Variants in TMEM120B observed in about 807,000 individuals in gnomAD.
TMEM120B encodes transmembrane protein 120B.
Under a neutral mutation model 55.5 loss-of-function variants are expected in TMEM120B, and 31 were observed. The observed-to-expected ratio is 0.56, with a 90% CI of 0.42 to 0.75. The LOEUF is 0.75. TMEM120B is among the 30% of genes least tolerant of loss of function. The probability of loss-of-function intolerance (pLI) is 0.00; values close to 1 mark genes in which losing one functional copy is unlikely to be tolerated. For missense variants in TMEM120B, 399 were observed against 425.5 expected, an observed-to-expected ratio of 0.94 and a Z score of 0.55; for synonymous variants, 203 against 176.3, an observed-to-expected ratio of 1.15 and a Z score of -1.20.
chr12:121,776,769 C>T lies in TMEM120B; in HGVS notation c.*1047C>T, dbSNP rs1566529001. The T allele has an allele frequency of 6.6e-6, 1 of 152,070 alleles. No individual in the cohort carries two copies. The highest frequency in any genetic ancestry group is 1.5e-5 in the Non-Finnish European group (1 of 68,070). The allele number at this position is 152,070 out of a possible 1,614,324, so 9.4% of individuals were successfully genotyped here. A position where few individuals can be genotyped will look rare whatever the true frequency, so the allele number is the denominator to read the frequency against. On this transcript the variant is annotated 3_prime_UTR_variant, in exon 12 of 12. Transcript: ENST00000449592. ...GTGCCCACAGGCATGCCTTGTTTAG[C>T]CCTCCTCAAGGAATTTTAAAATTTT...
intron 1 of TMEM120B, among the ~76,000 whole-genome samples, chr12:121,743,198 A>T (rs535784861): frequency 7.2e-5 from 11 of 152,216 alleles, no homozygotes; most frequent in African/African-American, 2.4e-4. Flanking sequence ...AGTTGACCTA[A>T]CAGGAACTCT....
chr12:121,769,346 G>C (rs373115206), intron 6 of TMEM120B, among the ~76,000 whole-genome samples: 3 of 152,208 alleles, frequency 2.0e-5, no homozygotes, highest in East Asian at 3.9e-4. Flanking sequence ...GATGGTGTGA[G>C]GTGCCGCGTG....
Position 121,737,568 on chromosome 12 carries a change from T to A in TMEM120B, c.70-6061T>A, listed in dbSNP as rs145230660. Among the ~76,000 whole-genome samples the A allele has an allele frequency of 2.8e-3, 428 of 151,634 alleles. 2 individuals carry two copies. The highest frequency in any genetic ancestry group is 0.021 in the South Asian group (100 of 4,806). ...GAGGTTGCGTTGGGACTCAGGTTAG[T>A]TTGGTTGGGGAGGGGCAATGGCCTC... On this transcript the variant is annotated intron_variant, in intron 1 of 11. Coordinates refer to ENST00000449592, the MANE Select transcript of TMEM120B (RefSeq NM_001080825.2).
In TMEM120B at chr12:121,775,885, G is replaced by A. The variant is rs542865763; in HGVS notation, c.*163G>A. ...AGAGGAATGTGAGCCCCGCCTGTCC[G>A]CACAGTGTCCGCCCACCTATTTATG... On this transcript the variant is annotated 3_prime_UTR_variant, in exon 12 of 12. Coordinates refer to ENST00000449592, the MANE Select transcript of TMEM120B (RefSeq NM_001080825.2). The surrounding 1 kb of genome is among the most constrained non-coding windows in gnomAD (Gnocchi z 4.3). 2.0e-4 allele frequency: 145 copies of A among 728,228 alleles called. No homozygotes were observed. Among genetic ancestry groups the A allele is most frequent in the Non-Finnish European group, 3.0e-4 (129 of 424,246 alleles). 45.1% of individuals were successfully genotyped at this position (728,228 alleles called of 1,614,324 possible). A position where few individuals can be genotyped will look rare whatever the true frequency, so the allele number is the denominator to read the frequency against.
rs1874479243 is a variant in TMEM120B at position 121,781,982 on chromosome 12, T to C, written c.*6260T>C. The stretch of plus-strand genomic sequence containing the variant: ...GCTTGAGCTTGGTTGGGTTTGCTTT[T>C]TTCTTCTTCTTCTTTATAAACAATT... On this transcript the variant is annotated 3_prime_UTR_variant, in exon 12 of 12. Transcript: ENST00000449592. The C allele has an allele frequency of 6.6e-6, 1 of 152,218 alleles. No homozygotes were observed. The highest frequency in any genetic ancestry group is 1.5e-5 in the Non-Finnish European group (1 of 68,050). 9.4% of individuals were successfully genotyped at this position (152,218 alleles called of 1,614,324 possible). A position where few individuals can be genotyped will look rare whatever the true frequency, so the allele number is the denominator to read the frequency against.
At chr12:121,761,870 G>A (rs1179780242) in intron 6 of TMEM120B, 132 bp downstream of exon 6, 2 of 652,714 alleles carry the variant, frequency 3.1e-6, no homozygotes, top group Non-Finnish European at 5.4e-6. Flanking sequence ...TGACTGTTCA[G>A]ATCCAGGAAG....
At chr12:121,734,646 G>A (rs1895070490) in intron 1 of TMEM120B, among the ~76,000 whole-genome samples, 1 of 151,936 alleles carries the variant, frequency 6.6e-6, no homozygotes, top group African/African-American at 2.4e-5. Flanking sequence ...GGGCATGGTG[G>A]CTCACACCTG....
chr12:121,727,548 A>AAAAAAAAAAAAG (rs1566507820), intron 1 of TMEM120B, among the ~76,000 whole-genome samples: 1 of 141,874 alleles, frequency 7.0e-6, no homozygotes, highest in Non-Finnish European at 1.5e-5. Context: ...AAAAAAAAAA[A>AAAAAAAAAAAAG]AAAAAAAAAA....
At chr12:121,764,977 G>A (rs932510586) in intron 6 of TMEM120B, among the ~76,000 whole-genome samples, 13 of 152,200 alleles carry the variant, frequency 8.5e-5, no homozygotes, top group East Asian at 1.9e-4. Context: ...TCAAAGCTTC[G>A]TGTGAGTCTG....
At chr12:121,723,682 G>A (rs1300315794) in intron 1 of TMEM120B, among the ~76,000 whole-genome samples, 2 of 152,204 alleles carry the variant, frequency 1.3e-5, no homozygotes, top group Non-Finnish European at 2.9e-5. Context: ...AGCCAGGACT[G>A]ATCTGGGGTG....
rs565198208 is a variant in TMEM120B at position 121,753,960 on chromosome 12, G to T, written c.461+1737G>T. Among the ~76,000 whole-genome samples, 3 of 152,352 alleles carry T rather than the reference G, an allele frequency of 2.0e-5. No homozygotes were observed. The East Asian group carries it at 5.8e-4, about 29-fold the overall frequency. On this transcript the variant is annotated intron_variant, in intron 5 of 11. Coordinates refer to ENST00000449592, the MANE Select transcript of TMEM120B (RefSeq NM_001080825.2). ...CGTCCAAGTGCAGCACAGCCATGCC[G>T]TGAGGCTGTGGGCTGCTGCTGCCCT...
rs536641531 is a variant in TMEM120B at position 121,779,220 on chromosome 12, G to C, written c.*3498G>C. 8.1e-6 allele frequency: 4 copies of C among 493,068 alleles called. 1 individual carries two copies. The South Asian group carries it at 1.0e-4, about 13-fold the overall frequency. 30.5% of individuals were successfully genotyped at this position (493,068 alleles called of 1,614,324 possible). ...TTGAGTCTGCACTGGGGAGACACTCGTGGTGGGGGTGGCTGTGATGAGGGC... is the reference window on the plus strand; with the variant it reads ...TTGAGTCTGCACTGGGGAGACACTCCTGGTGGGGGTGGCTGTGATGAGGGC... On this transcript the variant is annotated 3_prime_UTR_variant, in exon 12 of 12. Coordinates refer to ENST00000449592, the MANE Select transcript of TMEM120B (RefSeq NM_001080825.2).
rs931916417 is a variant in TMEM120B, at chr12:121,778,618, C to T, written c.*2896C>T. ...GATCCCATCAGTTCTCAAAGGAGGC[C>T]AGGATGTCTCGCCTCCTGAACTCCA... On this transcript the variant is annotated 3_prime_UTR_variant, in exon 12 of 12. Transcript: ENST00000449592. 6.6e-6 allele frequency: 1 copy of T among 151,746 alleles called. No homozygotes were observed. Among genetic ancestry groups the T allele is most frequent in the African/African-American group, 2.4e-5 (1 of 41,250 alleles). The allele number at this position is 151,746 out of a possible 1,614,324, so 9.4% of individuals were successfully genotyped here. A position where few individuals can be genotyped will look rare whatever the true frequency, so the allele number is the denominator to read the frequency against.
chr12:121,774,202 C>T (rs1874160672), intron 9 of TMEM120B, among the ~76,000 whole-genome samples: 2 of 152,110 alleles, frequency 1.3e-5, no homozygotes, highest in Admixed American at 6.6e-5. Context: ...GTGATCTGCC[C>T]ACCTTGGCCT....
chr12:121,731,942 G>C (rs901114975), intron 1 of TMEM120B, among the ~76,000 whole-genome samples: 4 of 152,146 alleles, frequency 2.6e-5, no homozygotes, highest in Admixed American at 6.6e-5. Flanking sequence ...TTTGAGACCA[G>C]CCTGGCTAAC....
chr12:121,756,576 G>C (rs144152731), intron 5 of TMEM120B, among the ~76,000 whole-genome samples: 1 of 152,130 alleles, frequency 6.6e-6, no homozygotes, highest in South Asian at 2.1e-4. Flanking sequence ...AGAAATGGCC[G>C]CTGGGTGCAG....
At chr12:121,773,598 TC>T in intron 9 of TMEM120B, 85 bp downstream of exon 9, 1 of 1,053,268 alleles carries the variant, frequency 9.5e-7, no homozygotes, top group Non-Finnish European at 1.3e-6. Context: ...TGCGAGCACC[TC>T]CCATACAGCG....
chr12:121,770,933 A>G lies in TMEM120B; in HGVS notation c.578A>G (p.His193Arg). 2 of 1,613,980 alleles carry G rather than the reference A, an allele frequency of 1.2e-6. No homozygotes were observed. The highest frequency in any genetic ancestry group is 1.7e-6 in the Non-Finnish European group (2 of 1,179,960). The change falls in exon 7 of 12, where the codon CAC (histidine) becomes CGC (arginine). Residue 193 changes from histidine (H) to arginine (R), a missense_variant. Coordinates refer to ENST00000449592, the MANE Select transcript of TMEM120B (RefSeq NM_001080825.2). ...ATTAAAGGCTGGTGGGTGTCTCACC[A>G]CTACGTCTCCACATTCCTGTCCGGA... ...SRIKGWWVSH[H>R]YVSTFLSGVM...
At position 121,721,757 on chromosome 12, in the gene TMEM120B, T is replaced by G. The variant is rs116953448; in HGVS notation, c.69+8793T>G. ...TGCTGGGATTACAGGCATAAGCCAC[T>G]GCATTCAGCCCTGGCCCTCCTTTTT... On this transcript the variant is annotated intron_variant, in intron 1 of 11. Coordinates refer to ENST00000449592, the MANE Select transcript of TMEM120B (RefSeq NM_001080825.2). 2.0e-5 allele frequency among the ~76,000 whole-genome samples: 3 copies of G among 148,776 alleles called. No individual in the cohort carries two copies. In the East Asian group the frequency reaches 6.0e-4, roughly 30 times the overall value.
Sources: gnomAD v4.1 joint callset for allele counts (sites outside exome capture counted in the v4.1 genomes callset) on GRCh38, gnomAD v4.1.1 for gene constraint, Gnocchi (gnomAD v3.1) non-coding constraint, MANE v1.5 for transcripts, NCBI Gene and HGNC (gene_info 2026-07-23, HGNC 2026-07-21) for gene names.